The following WIPF3 variants were observed in gnomAD, a reference collection of about 807,000 sequenced individuals.
The protein encoded by WIPF3 is WAS/WASL-interacting protein family member 3.
WIPF3 carries 33 observed loss-of-function variants against 38.9 expected under a neutral mutation model. The ratio of observed to expected loss-of-function variants is 0.85; its 90% CI spans 0.64 to 1.14. The LOEUF (loss-of-function observed/expected upper bound fraction) is 1.14. WIPF3 is among the 50% of genes most tolerant of loss of function. WIPF3 has a pLI of 0.00. For missense variants in WIPF3, 711 were observed against 652.5 expected, an observed-to-expected ratio of 1.09 and a Z score of -0.98; for synonymous variants, 324 against 269.3, an observed-to-expected ratio of 1.20 and a Z score of -1.99.
rs201610558 is a variant in WIPF3, at chr7:29,878,064, AAGAAATATTTTCAACATTG to A, written c.224-923_224-905del. Among the ~76,000 whole-genome samples, 624 of 152,300 alleles carry A rather than the reference AAGAAATATTTTCAACATTG, an allele frequency of 4.1e-3. 2 individuals are homozygous for A. The highest frequency in any genetic ancestry group is 0.014 in the African/African-American group (575 of 41,560). On this transcript the variant is annotated intron_variant, in intron 3 of 8. Coordinates refer to ENST00000242140, the MANE Select transcript of WIPF3 (RefSeq NM_001080529.3). The surrounding 1 kb of genome is among the most constrained non-coding windows in gnomAD (Gnocchi z 4.0). ...ACACACAAGGATAGACAAATTTTTA[AAGAAATATTTTCAACATTG>A]AGAAATATTTTCAACATTGAGTACA...
chr7:29,886,347 C>CTTTTT (rs11337399), intron 5 of WIPF3, among the ~76,000 whole-genome samples: 2 of 46,558 alleles, frequency 4.3e-5, no homozygotes, highest in Non-Finnish European at 7.0e-5. Context: ...AAAGACAAAG[C>CTTTTT]TTTTTTTTTT....
chr7:29,873,479 T>C (rs186434000), intron 2 of WIPF3, among the ~76,000 whole-genome samples: 13 of 152,306 alleles, frequency 8.5e-5, no homozygotes, highest in East Asian at 7.7e-4. Context: ...ATTTCTTTGG[T>C]CCCTTATTTC....
chr7:29,894,764 G>GACACACAC (rs34105700), intron 7 of WIPF3, among the ~76,000 whole-genome samples: 46 of 148,108 alleles, frequency 3.1e-4, no homozygotes, highest in African/African-American at 1.0e-3. Flanking sequence ...CTCTCTTTCT[G>GACACACAC]ACACACACAC....
At chr7:29,847,607 G>A (rs1785021073) in intron 2 of WIPF3, among the ~76,000 whole-genome samples, 1 of 151,968 alleles carries the variant, frequency 6.6e-6, no homozygotes, top group Non-Finnish European at 1.5e-5. Context: ...AGACTGAACA[G>A]GGGAAACCCA....
intron 5 of WIPF3, among the ~76,000 whole-genome samples, chr7:29,886,127 A>C (rs1785874199): frequency 6.6e-6 from 1 of 152,114 alleles, no homozygotes; most frequent in African/African-American, 2.4e-5. Context: ...TAGAAATTTT[A>C]ATCCACGTTT....
intron 1 of WIPF3, among the ~76,000 whole-genome samples, chr7:29,811,750 G>A (rs1389000995): frequency 1.3e-5 from 2 of 152,170 alleles, no homozygotes; most frequent in Non-Finnish European, 2.9e-5. Flanking sequence ...GTGTTTCCTA[G>A]AACTTTATTG....
chr7:29,846,090 G>A (rs888606896), intron 2 of WIPF3, among the ~76,000 whole-genome samples: 1 of 152,166 alleles, frequency 6.6e-6, no homozygotes, highest in Non-Finnish European at 1.5e-5. Flanking sequence ...ATTTTATAAA[G>A]CAAATGCAGT....
chr7:29,814,705 G>A (rs761252386), intron 1 of WIPF3, among the ~76,000 whole-genome samples: 9 of 152,196 alleles, frequency 5.9e-5, no homozygotes, highest in Non-Finnish European at 1.2e-4. Flanking sequence ...GTTGTTTTGG[G>A]GGATGAGAGA....
chr7:29,895,683 T>C (rs995575627), intron 7 of WIPF3, among the ~76,000 whole-genome samples: 2 of 152,170 alleles, frequency 1.3e-5, no homozygotes, highest in Non-Finnish European at 2.9e-5. Context: ...CATCCAGTCA[T>C]GGTGGAAGGC....
At chr7:29,840,203 G>A (rs1024051610) in intron 2 of WIPF3, among the ~76,000 whole-genome samples, 1 of 152,024 alleles carries the variant, frequency 6.6e-6, no homozygotes, top group East Asian at 1.9e-4. Context: ...TTCTCCTCTC[G>A]AGAACTTCCT....
intron 2 of WIPF3, among the ~76,000 whole-genome samples, chr7:29,847,827 G>A (rs949976303): frequency 1.3e-5 from 2 of 152,168 alleles, no homozygotes; most frequent in East Asian, 3.9e-4. Flanking sequence ...GGGGAAAAGG[G>A]GCTCTGGTTT....
intron 2 of WIPF3, among the ~76,000 whole-genome samples, chr7:29,854,232 T>C (rs1428758871): frequency 6.6e-6 from 1 of 152,234 alleles, no homozygotes; most frequent in African/African-American, 2.4e-5. Flanking sequence ...GTGGCATTAA[T>C]GTAAGAAGAA....
intron 4 of WIPF3, among the ~76,000 whole-genome samples, chr7:29,883,541 C>T (rs1785766381): frequency 6.6e-6 from 1 of 152,102 alleles, no homozygotes; most frequent in African/African-American, 2.4e-5. Flanking sequence ...CAAAAGACAC[C>T]CGGGCAGTCC....
intron 4 of WIPF3, among the ~76,000 whole-genome samples, chr7:29,879,730 T>G (rs1785678063): frequency 6.6e-6 from 1 of 152,208 alleles, no homozygotes; most frequent in Admixed American, 6.5e-5. Context: ...CTCTGGAGCC[T>G]CAGCTATAAC....
chr7:29,893,382 G>A (rs1645702938), intron 7 of WIPF3, among the ~76,000 whole-genome samples: 1 of 152,204 alleles, frequency 6.6e-6, no homozygotes, highest in Non-Finnish European at 1.5e-5. Flanking sequence ...GCAAGGGCAA[G>A]GACTTGATTT....
chr7:29,894,558 T>G (rs1194207024), intron 7 of WIPF3, among the ~76,000 whole-genome samples: 1 of 152,140 alleles, frequency 6.6e-6, no homozygotes, highest in Non-Finnish European at 1.5e-5. Context: ...TAAATTATAT[T>G]AGTGTGAATC....
chr7:29,892,224 G>A (rs1786038007), intron 7 of WIPF3, among the ~76,000 whole-genome samples: 1 of 152,182 alleles, frequency 6.6e-6, no homozygotes, highest in Non-Finnish European at 1.5e-5. Context: ...AACTGAGCCT[G>A]GCCCCCTACA....
intron 2 of WIPF3, among the ~76,000 whole-genome samples, chr7:29,851,772 A>G (rs1465909435): frequency 6.6e-6 from 1 of 152,014 alleles, no homozygotes. Flanking sequence ...AGCTTCTTTC[A>G]CATCTGCCTC....
In WIPF3 at chr7:29,815,416, A is replaced by G. The variant is rs187310592; in HGVS notation, c.-58+8738A>G. On this transcript the variant is annotated intron_variant, in intron 1 of 8. Coordinates refer to ENST00000242140, the MANE Select transcript of WIPF3 (RefSeq NM_001080529.3). ...TGCGGACATAGAAGGAAGGCTAAAG[A>G]GTAGCCAGGGTTTATGCCTTTTGTT... Among the ~76,000 whole-genome samples the G allele has an allele frequency of 1.0e-3, 158 of 152,346 alleles. 3 individuals are homozygous for G. In the Middle Eastern group the frequency reaches 0.014, roughly 13 times the overall value.
Sources: allele counts gnomAD v4.1 joint callset (sites outside exome capture counted in the v4.1 genomes callset), GRCh38; gene constraint gnomAD v4.1.1; non-coding constraint Gnocchi (gnomAD v3.1); transcripts MANE v1.5; gene names NCBI Gene and HGNC (gene_info 2026-07-23, HGNC 2026-07-21).